RBFOX1: variants seen among roughly 807,000 people sequenced by gnomAD.
RBFOX1 encodes the protein RNA binding fox-1 homolog 1.
A neutral mutation model predicts 57.7 loss-of-function variants in RBFOX1; 8 were observed. That is an observed-to-expected ratio of 0.14 (90% CI 0.08 to 0.25). The LOEUF (loss-of-function observed/expected upper bound fraction) is 0.25. Ranked by LOEUF, RBFOX1 falls within the 10% of genes least tolerant of loss-of-function variation. RBFOX1 has a pLI of 1.00. For missense variants in RBFOX1, 611 were observed against 548.5 expected (o/e 1.11, Z -1.14); for synonymous variants, 326 against 222.4 (o/e 1.47, Z -4.15).
Position 7,020,139 on chromosome 16 carries a change from C to T in RBFOX1, c.-15-31918C>T, listed in dbSNP as rs371911289. ...TTGTCATGTCTCAGGCCAGGTGCGG[C>T]GTACCCGGGGACTCTTTTATGCCAT... On this transcript the variant is annotated intron_variant, in intron 3 of 15. Transcript: ENST00000550418. Among the ~76,000 whole-genome samples, 5 of 152,250 alleles carry T rather than the reference C, an allele frequency of 3.3e-5. No homozygotes were observed. In the East Asian group the frequency reaches 5.8e-4, roughly 18 times the overall value.
At chr16:6,971,248 A>T (rs564925801) in intron 3 of RBFOX1, among the ~76,000 whole-genome samples, 1 of 152,166 alleles carries the variant, frequency 6.6e-6, no homozygotes, top group East Asian at 1.9e-4. Flanking sequence ...TGTTATGGGG[A>T]TGGGATTCTT....
chr16:6,955,335 C>T (rs944846685), intron 3 of RBFOX1, among the ~76,000 whole-genome samples: 1 of 137,164 alleles, frequency 7.3e-6, no homozygotes, highest in Non-Finnish European at 1.5e-5. Flanking sequence ...ACCTTTAAGC[C>T]TTCCCCACAT....
At chr16:6,538,604 G>T (rs62015468) in intron 2 of RBFOX1, among the ~76,000 whole-genome samples, 1 of 152,306 alleles carries the variant, frequency 6.6e-6, no homozygotes, top group South Asian at 2.1e-4. Flanking sequence ...ATGTTGTCCA[G>T]GCTGTGGAGA....
chr16:5,428,961 G>A (rs145986420), intron 1 of RBFOX1, among the ~76,000 whole-genome samples: 5 of 152,164 alleles, frequency 3.3e-5, no homozygotes, highest in East Asian at 1.9e-4. Flanking sequence ...CAGTGCAGGG[G>A]CTTTTCCTCT....
intron 4 of RBFOX1, among the ~76,000 whole-genome samples, chr16:7,063,577 A>G (rs2153750074): frequency 6.6e-6 from 1 of 152,328 alleles, no homozygotes; most frequent in East Asian, 1.9e-4. Context: ...TGAGAATAGT[A>G]CTTTTCAAAT....
chr16:6,119,990 T>A (rs2096536765), intron 1 of RBFOX1, among the ~76,000 whole-genome samples: 1 of 152,204 alleles, frequency 6.6e-6, no homozygotes, highest in African/African-American at 2.4e-5. Flanking sequence ...TTTCTCTATG[T>A]ATAGATTTTC....
chr16:6,210,418 A>G (rs192268456), intron 1 of RBFOX1, among the ~76,000 whole-genome samples: 1 of 151,300 alleles, frequency 6.6e-6, no homozygotes, highest in Admixed American at 6.6e-5. Context: ...GAAAGAAAGG[A>G]AAGGAAGGAA....
At chr16:6,925,101 G>C (rs969497190) in intron 3 of RBFOX1, among the ~76,000 whole-genome samples, 1 of 105,564 alleles carries the variant, frequency 9.5e-6, no homozygotes, top group Non-Finnish European at 1.8e-5. Flanking sequence ...TGGACATCTA[G>C]GTTGTTGGTT....
At chr16:6,986,235 C>T (rs916703488) in intron 3 of RBFOX1, among the ~76,000 whole-genome samples, 3 of 139,194 alleles carry the variant, frequency 2.2e-5, no homozygotes, top group African/African-American at 3.1e-5. Context: ...GAGTCTTGGT[C>T]TGTCACCCAG....
chr16:7,615,188 C>G (rs1171875975), intron 10 of RBFOX1, among the ~76,000 whole-genome samples: 2 of 152,140 alleles, frequency 1.3e-5, no homozygotes, highest in Admixed American at 6.5e-5. Context: ...AAAAAAGTAT[C>G]TGGGCGTGGT....
intron 3 of RBFOX1, among the ~76,000 whole-genome samples, chr16:6,956,628 C>T (rs921565404): frequency 2.0e-5 from 3 of 152,160 alleles, no homozygotes; most frequent in Non-Finnish European, 4.4e-5. Context: ...GCCCGTCTTC[C>T]CTTCTTGTGC....
At chr16:5,904,042 G>A (rs1304701394) in intron 4 of RBFOX1, among the ~76,000 whole-genome samples, 4 of 152,138 alleles carry the variant, frequency 2.6e-5, no homozygotes, top group East Asian at 1.9e-4. Flanking sequence ...AGCCATGTGC[G>A]TCTGGAGCTT....
chr16:6,401,612 A>G (rs932037446), intron 2 of RBFOX1, among the ~76,000 whole-genome samples: 2 of 152,112 alleles, frequency 1.3e-5, no homozygotes, highest in African/African-American at 2.4e-5. Flanking sequence ...TTTTTCAGTC[A>G]TTTTGTAGCT....
intron 14 of RBFOX1, among the ~76,000 whole-genome samples, chr16:7,678,875 G>A (rs2074052341): frequency 1.3e-5 from 2 of 152,106 alleles, no homozygotes; most frequent in Admixed American, 1.3e-4. Flanking sequence ...TTCTTGGATT[G>A]GTGAATCTTT....
intron 1 of RBFOX1, among the ~76,000 whole-genome samples, chr16:5,413,680 G>C (rs886375100): frequency 6.6e-6 from 1 of 152,146 alleles, no homozygotes; most frequent in African/African-American, 2.4e-5. Context: ...TTGTTATTCT[G>C]GGAAATAAGT....
At chr16:5,948,988 A>G (rs1012494466) in intron 4 of RBFOX1, among the ~76,000 whole-genome samples, 8 of 152,020 alleles carry the variant, frequency 5.3e-5, no homozygotes, top group African/African-American at 1.5e-4. Context: ...TGCTGTCACA[A>G]TCTCTTTCTC....
intron 4 of RBFOX1, among the ~76,000 whole-genome samples, chr16:5,985,651 A>G (rs554652340): frequency 3.7e-4 from 57 of 152,264 alleles, no homozygotes; most frequent in African/African-American, 4.1e-4. Flanking sequence ...GGACATTCCT[A>G]GTAGTACTCT....
intron 2 of RBFOX1, among the ~76,000 whole-genome samples, chr16:6,476,533 C>G (rs1243405281): frequency 6.6e-6 from 1 of 152,270 alleles, no homozygotes; most frequent in Admixed American, 6.5e-5. Flanking sequence ...GACGTGCATA[C>G]CTTAATTTAA....
At chr16:6,624,784 C>A (rs1286474938) in intron 2 of RBFOX1, among the ~76,000 whole-genome samples, 1 of 152,148 alleles carries the variant, frequency 6.6e-6, no homozygotes, top group African/African-American at 2.4e-5. Context: ...GAAGGCAATT[C>A]TTTAATTTTT....
Sources: allele counts gnomAD v4.1 joint callset (sites outside exome capture counted in the v4.1 genomes callset), GRCh38; gene constraint gnomAD v4.1.1; transcripts MANE v1.5; gene names NCBI Gene and HGNC (gene_info 2026-07-23, HGNC 2026-07-21).